ERAP1: variants seen among roughly 807,000 people sequenced by gnomAD.
ERAP1 encodes the protein adipocyte-derived leucine aminopeptidase.
In ERAP1, 86 loss-of-function variants were observed where a neutral mutation model predicts 103.7. The ratio of observed to expected loss-of-function variants is 0.83; its 90% CI spans 0.70 to 0.99. The LOEUF (loss-of-function observed/expected upper bound fraction) is 0.99, where lower values mean the gene tolerates loss of function less well. ERAP1 is among the 50% of genes least tolerant of loss of function. ERAP1 has a pLI of 0.00. For missense variants in ERAP1, 1,009 were observed against 1,128.4 expected (o/e 0.89, Z 1.52); for synonymous variants, 398 against 402.4 (o/e 0.99, Z 0.13).
At chr5:96,767,994 G>A in intron 19 of ERAP1, 5 of 1,601,482 alleles carry the variant, frequency 3.1e-6, no homozygotes, top group Non-Finnish European at 4.3e-6. Flanking sequence ...ACAGAACACA[G>A]CAAAGGTACT....
intron 4 of ERAP1, 32 bp downstream of exon 4, chr5:96,797,143 C>T (rs1183906690): frequency 1.2e-6 from 2 of 1,613,620 alleles, no homozygotes; most frequent in Admixed American, 1.7e-5. Flanking sequence ...CCAGAACAAG[C>T]TGGTCACCAT....
At chr5:96,930,789 T>C in the ERAP1 span, among the ~76,000 whole-genome samples, 1 of 152,216 alleles carries the variant, frequency 6.6e-6, no homozygotes, top group Non-Finnish European at 1.5e-5. Flanking sequence ...TCTTGGGCTG[T>C]CAATGCAATA....
chr5:96,793,107 T>C (rs577149904), intron 7 of ERAP1, among the ~76,000 whole-genome samples: 1 of 152,314 alleles, frequency 6.6e-6, no homozygotes, highest in East Asian at 1.9e-4. Context: ...GTTGGGAAAA[T>C]GAAATGGAAC....
chr5:96,835,759 A>T, the ERAP1 span, among the ~76,000 whole-genome samples: 27 of 152,332 alleles, frequency 1.8e-4, no homozygotes, highest in East Asian at 3.1e-3. Context: ...GGAAAGGCCC[A>T]TCCTACTTAG....
rs762959704 is a variant in ERAP1 at position 96,780,420 on chromosome 5, T to TTA, written c.2670+2_2670+3insTA. On this transcript the variant is annotated splice_region_variant and intron_variant, in intron 18 of 18. Transcript: ENST00000443439. ...AATATATATATAGATTTTTTTTTTT[T>TTA]ACCTCTTCAAGCCGTGTTCTTGTGG... 3.2e-5 allele frequency: 50 copies of TTA among 1,579,906 alleles called. No homozygotes were observed. In the African/African-American group the frequency reaches 4.9e-4, roughly 16 times the overall value.
At chr5:96,836,205 TG>T in the ERAP1 span, among the ~76,000 whole-genome samples, 10 of 150,782 alleles carry the variant, frequency 6.6e-5, no homozygotes, top group African/African-American at 9.8e-5. Context: ...TTCTGTTTTT[TG>T]TTTGTTTGTT....
chr5:96,774,975 A>G lies in ERAP1; in HGVS notation c.*1421T>C, dbSNP rs1338968236. 1.0e-6 allele frequency: 1 copy of G among 985,570 alleles called. No individual in the cohort carries two copies. The highest frequency in any genetic ancestry group is 1.7e-5 in the African/African-American group (1 of 57,368). 61.1% of individuals were successfully genotyped at this position (985,570 alleles called of 1,614,324 possible). A position where few individuals can be genotyped will look rare whatever the true frequency, so the allele number is the denominator to read the frequency against. ...TTTTTGCCTTATATTCAAAAAGTTC[A>G]GTTTGAATTCTCCTTTGCCAGGTGT... is the stretch of plus-strand genomic sequence containing the variant. On this transcript the variant is annotated 3_prime_UTR_variant, in exon 19 of 19. Coordinates refer to ENST00000443439, the MANE Select transcript of ERAP1 (RefSeq NM_001040458.3).
intron 4 of ERAP1, among the ~76,000 whole-genome samples, chr5:96,795,947 A>C (rs1777300488): frequency 6.6e-6 from 1 of 152,252 alleles, no homozygotes; most frequent in South Asian, 2.1e-4. Context: ...AATGTGTTTA[A>C]AGAAATGAAA....
chr5:96,765,238 CGAT>C (rs1561614763), intron 19 of ERAP1: 1 of 1,603,130 alleles, frequency 6.2e-7, no homozygotes, highest in Non-Finnish European at 8.5e-7. Context: ...ACAAAGACCT[CGAT>C]GATGCCTTGG....
the ERAP1 span, among the ~76,000 whole-genome samples, chr5:96,931,849 A>C: frequency 6.6e-6 from 1 of 152,162 alleles, no homozygotes; most frequent in Non-Finnish European, 1.5e-5. Context: ...GAGAGAGAGA[A>C]GTTGGGCTCT....
chr5:96,921,063 T>C, the ERAP1 span, among the ~76,000 whole-genome samples: 5 of 152,324 alleles, frequency 3.3e-5, no homozygotes, highest in Non-Finnish European at 7.4e-5. Context: ...TTTAGATGAG[T>C]CTTTTGCAAA....
chr5:96,763,846 A>G (rs1029277800), intron 19 of ERAP1, among the ~76,000 whole-genome samples: 2 of 152,194 alleles, frequency 1.3e-5, no homozygotes, highest in African/African-American at 4.8e-5. Flanking sequence ...ATAGAAGATC[A>G]TGGATGTGAC....
chr5:96,897,011 C>A, the ERAP1 span: 1 of 247,264 alleles, frequency 4.0e-6, no homozygotes, highest in Non-Finnish European at 5.5e-6. Context: ...GGCAGCACTT[C>A]CCTTTTTCCT....
chr5:96,811,160 C>CT (rs147597504), upstream of ERAP1, among the ~76,000 whole-genome samples: 2,478 of 152,114 alleles, frequency 0.016, 60 homozygotes, highest in African/African-American at 0.056. Context: ...AAGAGGATGA[C>CT]TTTTTTCCCC....
rs186675670 is a variant in ERAP1, at chr5:96,783,243, C to T, written c.2101-8G>A. 26 of 1,606,318 alleles carry T rather than the reference C, an allele frequency of 1.6e-5. No homozygotes were observed. The highest frequency in any genetic ancestry group is 1.3e-4 in the African/African-American group (10 of 74,872). On this transcript the variant is annotated splice_region_variant and splice_polypyrimidine_tract_variant and intron_variant, in intron 14 of 18. Transcript: ENST00000443439. ...CAGCCTGATGAGGAAGGCCTGAGGG[C>T]GTTGTACAGGGAAACAGGGACCAGT...
the ERAP1 span, chr5:96,902,286 T>C: frequency 9.3e-6 from 15 of 1,606,752 alleles, no homozygotes; most frequent in South Asian, 1.2e-4. Flanking sequence ...ACCTGTGGCA[T>C]ATCCCATTGA....
intron 3 of ERAP1, among the ~76,000 whole-genome samples, chr5:96,800,573 C>G (rs1279072487): frequency 6.6e-6 from 1 of 152,148 alleles, no homozygotes; most frequent in Non-Finnish European, 1.5e-5. Flanking sequence ...GTGAAGGGCA[C>G]TAATATTTAA....
upstream of ERAP1, among the ~76,000 whole-genome samples, chr5:96,810,857 C>A (rs1224921677): frequency 6.6e-6 from 1 of 152,208 alleles, no homozygotes; most frequent in Non-Finnish European, 1.5e-5. Flanking sequence ...GCGTTTGGCT[C>A]ATTTCTTCTG....
the ERAP1 span, among the ~76,000 whole-genome samples, chr5:96,824,024 G>A: frequency 3.9e-5 from 6 of 152,192 alleles, no homozygotes; most frequent in Non-Finnish European, 5.9e-5. Context: ...GCTGGGCAAC[G>A]TGATGATTCC....
Sources: gnomAD v4.1 joint callset for allele counts (sites outside exome capture counted in the v4.1 genomes callset) on GRCh38, gnomAD v4.1.1 for gene constraint, MANE v1.5 for transcripts, NCBI Gene and HGNC (gene_info 2026-07-23, HGNC 2026-07-21) for gene names.